Variants in TMEM163 observed in about 807,000 individuals in gnomAD.
The protein encoded by TMEM163 is transmembrane protein 163.
Under a neutral mutation model 29.3 loss-of-function variants are expected in TMEM163, and 17 were observed. The observed-to-expected ratio is 0.58, with a 90% CI of 0.40 to 0.87. The LOEUF is 0.87. Among genes scored for constraint, TMEM163 ranks in the 40% least tolerant of loss-of-function variants. TMEM163 has a pLI of 0.00. For missense variants in TMEM163, 303 were observed against 381.5 expected (o/e 0.79, Z 1.71); for synonymous variants, 157 against 160.6 (o/e 0.98, Z 0.17).
chr2:134,622,831 C>T (rs948184197), intron 2 of TMEM163, among the ~76,000 whole-genome samples: 14 of 152,116 alleles, frequency 9.2e-5, no homozygotes, highest in African/African-American at 3.4e-4. Flanking sequence ...GACACGATCT[C>T]GGCTCACTGC....
chr2:134,659,288 G>A (rs543984252), intron 2 of TMEM163, among the ~76,000 whole-genome samples: 141 of 152,284 alleles, frequency 9.3e-4, no homozygotes, highest in African/African-American at 3.3e-3. Context: ...TGTATGCAGT[G>A]GACCCAAACA....
At chr2:134,711,139 A>G (rs556096306) in intron 2 of TMEM163, among the ~76,000 whole-genome samples, 1 of 152,300 alleles carries the variant, frequency 6.6e-6, no homozygotes, top group South Asian at 2.1e-4. Context: ...ATTTATTTCC[A>G]TTCAAAACTA....
intron 4 of TMEM163, among the ~76,000 whole-genome samples, chr2:134,504,396 G>A (rs1406007906): frequency 6.6e-6 from 1 of 152,072 alleles, no homozygotes. Flanking sequence ...TTGAGCAAAT[G>A]AATATACACA....
chr2:134,588,381 A>C (rs1392179221), intron 2 of TMEM163, among the ~76,000 whole-genome samples: 1 of 152,254 alleles, frequency 6.6e-6, no homozygotes, highest in East Asian at 1.9e-4. Flanking sequence ...ACCTTGTCAC[A>C]TCATCATTCA....
chr2:134,487,756 T>G (rs567106576), intron 5 of TMEM163, among the ~76,000 whole-genome samples: 2 of 152,286 alleles, frequency 1.3e-5, no homozygotes, highest in African/African-American at 4.8e-5. Flanking sequence ...TGGCACATGA[T>G]GGAGGTGGCC....
In TMEM163 at chr2:134,661,162, G is replaced by GCTCTCTCT. The variant is rs10660772; in HGVS notation, c.322+52030_322+52037dup. On this transcript the variant is annotated intron_variant, in intron 2 of 7. Transcript: ENST00000281924. Reference sequence around the variant, plus strand: ...ACAAACACACACACAGCTCTTGCTTGCTCTCTCTCTCTCTCTCTCTCCCAT... The same window carrying GCTCTCTCT: ...ACAAACACACACACAGCTCTTGCTTGCTCTCTCTCTCTCTCTCTCTCTCTCTCTCCCAT... 5.1e-3 allele frequency among the ~76,000 whole-genome samples: 768 copies of GCTCTCTCT among 150,204 alleles called. 8 individuals carry two copies. The highest frequency in any genetic ancestry group is 0.017 in the African/African-American group (714 of 40,950).
At chr2:134,542,665 C>T (rs990226088) in intron 4 of TMEM163, among the ~76,000 whole-genome samples, 1 of 152,122 alleles carries the variant, frequency 6.6e-6, no homozygotes, top group South Asian at 2.1e-4. Flanking sequence ...CCCCAGTCCG[C>T]GGAAAAATTT....
At chr2:134,699,619 AGTGTTTG>A (rs1684654334) in intron 2 of TMEM163, among the ~76,000 whole-genome samples, 2 of 152,204 alleles carry the variant, frequency 1.3e-5, no homozygotes, top group African/African-American at 4.8e-5. Flanking sequence ...GGCAGTCAAA[AGTGTTTG>A]AAAAACACTG....
chr2:134,553,904 G>A (rs72984246), intron 2 of TMEM163, among the ~76,000 whole-genome samples: 2,933 of 152,274 alleles, frequency 0.019, 81 homozygotes, highest in African/African-American at 0.064. Context: ...TGCAAGCACC[G>A]AGGCGGCCTA....
At chr2:134,659,625 G>A (rs973723424) in intron 2 of TMEM163, among the ~76,000 whole-genome samples, 7 of 152,204 alleles carry the variant, frequency 4.6e-5, no homozygotes. Context: ...CATGATGAAA[G>A]AGAAAGACAA....
At chr2:134,716,857 CA>C (rs1465940458) in intron 1 of TMEM163, among the ~76,000 whole-genome samples, 1 of 152,154 alleles carries the variant, frequency 6.6e-6, no homozygotes, top group Non-Finnish European at 1.5e-5. Context: ...AGAGGTCAAA[CA>C]AAAGAATGTC....
intron 2 of TMEM163, among the ~76,000 whole-genome samples, chr2:134,633,787 C>A (rs1683031272): frequency 6.6e-6 from 1 of 151,560 alleles, no homozygotes; most frequent in Non-Finnish European, 1.5e-5. Flanking sequence ...CATGGCAAAA[C>A]CTTGTCTCTA....
rs1367039019 is a variant in TMEM163 at position 134,652,270 on chromosome 2, A to G, written c.322+60930T>C. 4.1e-3 allele frequency among the ~76,000 whole-genome samples: 289 copies of G among 69,728 alleles called. 40 individuals carry two copies. Among genetic ancestry groups the G allele is most frequent in the Admixed American group, 0.028 (206 of 7,282 alleles). 45.7% of individuals were successfully genotyped at this position (69,728 alleles called of 152,430 possible). A position where few individuals can be genotyped will look rare whatever the true frequency, so the allele number is the denominator to read the frequency against. On this transcript the variant is annotated intron_variant, in intron 2 of 7. Coordinates refer to ENST00000281924, the MANE Select transcript of TMEM163 (RefSeq NM_030923.5). The stretch of plus-strand genomic sequence containing the variant: ...TGAAGAGGTCCTTCACATCCCTTGT[A>G]AGTTGGATTCCTAGGTATTTTATTC...
chr2:134,499,550 C>T (rs1679655182), intron 5 of TMEM163, among the ~76,000 whole-genome samples: 1 of 152,242 alleles, frequency 6.6e-6, no homozygotes, highest in Non-Finnish European at 1.5e-5. Flanking sequence ...CCCTGAGGGG[C>T]AGGCAACACC....
At position 134,653,846 on chromosome 2, in the gene TMEM163, G is replaced by A. The variant is rs1247303142; in HGVS notation, c.322+59354C>T. Among the ~76,000 whole-genome samples, 2 of 124,856 alleles carry A rather than the reference G, an allele frequency of 1.6e-5. 1 individual carries two copies. The highest frequency in any genetic ancestry group is 5.2e-4 in the South Asian group (2 of 3,856). The allele number at this position is 124,856 out of a possible 152,430, so 81.9% of individuals were successfully genotyped here. On this transcript the variant is annotated intron_variant, in intron 2 of 7. Coordinates refer to ENST00000281924, the MANE Select transcript of TMEM163 (RefSeq NM_030923.5). ...GAGCAGGTTGTTCAGTTTCCATGTA[G>A]TTGAGCAGCTTTGAGTGAGATTCTT...
Position 134,718,908 on chromosome 2 carries a change from G to T in TMEM163, c.28C>A (p.Arg10Ser), listed in dbSNP as rs1469883471. 8 of 1,075,494 alleles carry T rather than the reference G, an allele frequency of 7.4e-6. No individual in the cohort carries two copies. The highest frequency in any genetic ancestry group is 4.1e-4 in the Middle Eastern group (1 of 2,414). The allele number at this position is 1,075,494 out of a possible 1,614,324, so 66.6% of individuals were successfully genotyped here. Reference protein sequence around the residue: MEPAAGIQRRSSQGPTVPPP... With the variant: MEPAAGIQRSSSQGPTVPPP... ...GGGACGGTGGGCCCCTGGGAGCTGC[G>T]GCGCTGGATGCCCGCGGCCGGCTCC... Residue 10 changes from arginine to serine, a missense_variant, in exon 1 of 8, where the codon CGC becomes AGC. Around this residue, in one of 2 missense-constraint regions of TMEM163, gnomAD observed 100 missense variants for 87.2 expected, o/e 1.15. Coordinates refer to ENST00000281924, the MANE Select transcript of TMEM163 (RefSeq NM_030923.5).
chr2:134,502,938 G>A lies in TMEM163; in HGVS notation c.518C>T (p.Ala173Val). The part of the protein sequence containing the change: ...LLSSICIVVK[A>V]IHDLSTRLLP... ...CAGCCTAGTTGAGAGGTCATGGATG[G>A]CTTTGACCACTATACATATGGATGA... is the stretch of plus-strand genomic sequence containing the variant. The change falls in exon 5 of 8, where the codon GCC becomes GTC. Residue 173 changes from alanine (A) to valine (V), a missense_variant. By Grantham distance (64) the Ala-to-Val change is moderately conservative. Around this residue, in one of 2 missense-constraint regions of TMEM163, gnomAD observed 203 missense variants for 294.3 expected, o/e 0.69. Transcript: ENST00000281924. The A allele has an allele frequency of 6.2e-7, 1 of 1,614,006 alleles. No individual in the cohort carries two copies. The highest frequency in any genetic ancestry group is 8.5e-7 in the Non-Finnish European group (1 of 1,179,968).
intron 2 of TMEM163, among the ~76,000 whole-genome samples, chr2:134,648,947 C>A (rs989623297): frequency 1.3e-5 from 2 of 152,132 alleles, no homozygotes; most frequent in Admixed American, 6.5e-5. Flanking sequence ...GCTGAAGAAT[C>A]ATTTTGACTA....
At chr2:134,703,883 G>A (rs1439124116) in intron 2 of TMEM163, among the ~76,000 whole-genome samples, 1 of 149,362 alleles carries the variant, frequency 6.7e-6, no homozygotes, top group Admixed American at 6.7e-5. Flanking sequence ...ATCTTTATTT[G>A]GTTATTCTCC....
Sources: gnomAD v4.1 joint callset for allele counts (sites outside exome capture counted in the v4.1 genomes callset) on GRCh38, gnomAD v4.1.1 for gene constraint, gnomAD v4.1.1 regional missense constraint, MANE v1.5 for transcripts, NCBI Gene and HGNC (gene_info 2026-07-23, HGNC 2026-07-21) for gene names.